The following ZMYM2 variants were observed in gnomAD, a reference collection of about 807,000 sequenced individuals.
ZMYM2 encodes zinc finger MYM-type protein 2.
ZMYM2 carries 56 observed loss-of-function variants against 162.8 expected under a neutral mutation model. That is an observed-to-expected ratio of 0.34 (90% CI 0.28 to 0.43). ZMYM2 has a LOEUF of 0.43. Ranked by LOEUF, ZMYM2 falls within the 20% of genes least tolerant of loss-of-function variation. The probability of loss-of-function intolerance (pLI) is 1.00; values close to 1 mark genes in which losing one functional copy is unlikely to be tolerated. For synonymous variants in ZMYM2, 510 were observed against 541.6 expected (o/e 0.94, Z 0.81); for missense variants, 1,275 against 1,621.8 (o/e 0.79, Z 3.67).
At chr13:20,084,859 A>C (rs1321433127) in intron 24 of ZMYM2, among the ~76,000 whole-genome samples, 1 of 152,220 alleles carries the variant, frequency 6.6e-6, no homozygotes, top group Non-Finnish European at 1.5e-5. Flanking sequence ...ATGGCCCTCA[A>C]GGACTTGTAA....
intron 2 of ZMYM2, among the ~76,000 whole-genome samples, chr13:19,963,679 ATG>A (rs1402739108): frequency 6.6e-6 from 1 of 152,192 alleles, no homozygotes; most frequent in Non-Finnish European, 1.5e-5. Flanking sequence ...TCATTTTAAA[ATG>A]TGTTAAAATT....
intron 12 of ZMYM2, among the ~76,000 whole-genome samples, chr13:20,038,966 T>G (rs1252079737): frequency 3.3e-5 from 5 of 152,014 alleles, no homozygotes; most frequent in Admixed American, 1.3e-4. Flanking sequence ...TGAGCAGTAT[T>G]TTGTAGTTCT....
intron 3 of ZMYM2, among the ~76,000 whole-genome samples, chr13:20,001,079 A>G (rs1233649066): frequency 2.6e-5 from 4 of 152,206 alleles, no homozygotes; most frequent in African/African-American, 9.7e-5. Flanking sequence ...AAATAGCATG[A>G]GAACTAGAAT....
intron 2 of ZMYM2, among the ~76,000 whole-genome samples, chr13:19,983,234 T>A (rs1338384094): frequency 1.3e-5 from 2 of 151,570 alleles, no homozygotes; most frequent in East Asian, 3.9e-4. Flanking sequence ...AACCTTTGCC[T>A]CCCACATTCA....
intron 2 of ZMYM2, among the ~76,000 whole-genome samples, chr13:19,984,989 T>C (rs752460554): frequency 5.3e-5 from 8 of 152,250 alleles, no homozygotes; most frequent in East Asian, 1.9e-4. Context: ...AAATAACTTA[T>C]ATATTAAAAG....
chr13:20,015,075 T>A (rs1376303502), intron 6 of ZMYM2, among the ~76,000 whole-genome samples: 1 of 152,180 alleles, frequency 6.6e-6, no homozygotes, highest in Non-Finnish European at 1.5e-5. Flanking sequence ...TTTCTTTCTT[T>A]TTAACATAAG....
chr13:20,049,266 G>A (rs928831901), intron 12 of ZMYM2, among the ~76,000 whole-genome samples: 2 of 151,800 alleles, frequency 1.3e-5, no homozygotes, highest in African/African-American at 2.4e-5. Context: ...TTGGGTAGAG[G>A]GAAATTATCT....
At chr13:20,022,482 T>C (rs1952204448) in intron 7 of ZMYM2, among the ~76,000 whole-genome samples, 1 of 152,192 alleles carries the variant, frequency 6.6e-6, no homozygotes, top group African/African-American at 2.4e-5. Flanking sequence ...GTAAAGTTGC[T>C]ATTTTTCCCT....
chr13:19,973,683 A>C (rs1171965513), intron 2 of ZMYM2, among the ~76,000 whole-genome samples: 3 of 150,902 alleles, frequency 2.0e-5, no homozygotes, highest in Non-Finnish European at 4.4e-5. Flanking sequence ...AAAAAAAAAA[A>C]AAAAAACACC....
chr13:20,007,681 C>T (rs1239272762), intron 6 of ZMYM2, among the ~76,000 whole-genome samples: 2 of 142,760 alleles, frequency 1.4e-5, no homozygotes, highest in Non-Finnish European at 1.5e-5. Context: ...AGTGCATTGG[C>T]GTAATTTTGG....
At chr13:20,073,898 G>A (rs1434712807) in intron 21 of ZMYM2, among the ~76,000 whole-genome samples, 1 of 152,012 alleles carries the variant, frequency 6.6e-6, no homozygotes, top group Non-Finnish European at 1.5e-5. Context: ...ATTTTTAAGG[G>A]TGCGGTGCAG....
the ZMYM2 span, among the ~76,000 whole-genome samples, chr13:19,897,940 G>A: frequency 3.3e-5 from 5 of 152,030 alleles, no homozygotes; most frequent in Non-Finnish European, 5.9e-5. Flanking sequence ...ATAGAACAAC[G>A]AATGAAAATC....
chr13:19,976,843 G>A (rs189653234), intron 2 of ZMYM2, among the ~76,000 whole-genome samples: 29 of 152,216 alleles, frequency 1.9e-4, no homozygotes, highest in Admixed American at 1.8e-3. Flanking sequence ...CCGTTTGGTC[G>A]TTCTATCCAT....
chr13:19,954,126 ATTTTTT>A (rs781288600), upstream of ZMYM2, among the ~76,000 whole-genome samples: 2 of 64,880 alleles, frequency 3.1e-5, no homozygotes, highest in Admixed American at 3.0e-4. Flanking sequence ...GCTATGTTTA[ATTTTTT>A]TTTTTTTTTT....
chr13:19,951,527 T>TAA, the ZMYM2 span, among the ~76,000 whole-genome samples: 109 of 76,436 alleles, frequency 1.4e-3, 7 homozygotes, highest in East Asian at 2.8e-3. Flanking sequence ...CCATCTCTAC[T>TAA]AAAAAAAAAA....
chr13:20,028,386 A>G (rs576868711), intron 9 of ZMYM2, among the ~76,000 whole-genome samples: 11 of 152,204 alleles, frequency 7.2e-5, no homozygotes, highest in Non-Finnish European at 1.2e-4. Flanking sequence ...ATAGCATGCT[A>G]CTTGTCAGAT....
the ZMYM2 span, among the ~76,000 whole-genome samples, chr13:19,883,582 C>T: frequency 3.9e-5 from 6 of 152,056 alleles, no homozygotes; most frequent in Non-Finnish European, 7.4e-5. Context: ...AATTCTAAGC[C>T]CAGGCTATGT....
intron 3 of ZMYM2, among the ~76,000 whole-genome samples, chr13:19,996,017 T>C (rs1594250432): frequency 6.6e-6 from 1 of 151,972 alleles, no homozygotes; most frequent in African/African-American, 2.4e-5. Context: ...CTGTGACTTT[T>C]TCATGACATG....
chr13:19,990,424 T>C (rs1273106781), intron 2 of ZMYM2, among the ~76,000 whole-genome samples: 8 of 152,206 alleles, frequency 5.3e-5, no homozygotes, highest in African/African-American at 1.2e-4. Context: ...GCAGAAGCTG[T>C]TTTCTTTGCC....
Sources: allele counts gnomAD v4.1 joint callset (sites outside exome capture counted in the v4.1 genomes callset), GRCh38; gene constraint gnomAD v4.1.1; transcripts MANE v1.5; gene names NCBI Gene and HGNC (gene_info 2026-07-23, HGNC 2026-07-21).